The following ZMIZ1 variants were observed in gnomAD, a reference collection of about 807,000 sequenced individuals.
ZMIZ1 encodes zinc finger MIZ domain-containing protein 1.
Under a neutral mutation model 113.9 loss-of-function variants are expected in ZMIZ1, and 17 were observed. The ratio of observed to expected loss-of-function variants is 0.15; its 90% CI spans 0.10 to 0.22. ZMIZ1 has a LOEUF of 0.22. Among genes scored for constraint, ZMIZ1 ranks in the 10% least tolerant of loss-of-function variants. ZMIZ1 has a pLI of 1.00. For synonymous variants in ZMIZ1, 607 were observed against 603.1 expected (o/e 1.01, Z -0.09); for missense variants, 1,059 against 1,477.8 (o/e 0.72, Z 4.65).
In ZMIZ1 at chr10:79,314,001, G is replaced by A. The variant is rs1855370937; in HGVS notation, c.*1252G>A. ...ACATGTGCACCAGTATGTACCTGCA[G>A]GCATGGGGGGGAGGGGGGCGTGTTT... On this transcript the variant is annotated 3_prime_UTR_variant, in exon 25 of 25. Coordinates refer to ENST00000334512, the MANE Select transcript of ZMIZ1 (RefSeq NM_020338.4). The A allele has an allele frequency of 4.4e-6, 2 of 455,450 alleles. No individual in the cohort carries two copies. Among genetic ancestry groups the A allele is most frequent in the African/African-American group, 2.0e-5 (1 of 50,068 alleles). 28.2% of individuals were successfully genotyped at this position (455,450 alleles called of 1,614,324 possible).
intron 8 of ZMIZ1, among the ~76,000 whole-genome samples, chr10:79,288,533 CAT>C (rs1458408926): frequency 6.7e-6 from 1 of 149,506 alleles, no homozygotes; most frequent in Admixed American, 6.6e-5. Context: ...CGCACACACA[CAT>C]ACACACACAC....
chr10:79,141,127 A>G (rs1421880800), intron 3 of ZMIZ1, among the ~76,000 whole-genome samples: 1 of 152,144 alleles, frequency 6.6e-6, no homozygotes, highest in Non-Finnish European at 1.5e-5. Flanking sequence ...GACCATGACG[A>G]CACAGGGGAC....
chr10:79,281,293 G>T (rs966197219), intron 8 of ZMIZ1, among the ~76,000 whole-genome samples: 6 of 152,216 alleles, frequency 3.9e-5, no homozygotes, highest in African/African-American at 1.4e-4. Context: ...TTGGAATCTG[G>T]CAGAGCAGGG....
chr10:79,153,962 C>T (rs1845801933), intron 3 of ZMIZ1, among the ~76,000 whole-genome samples: 2 of 152,170 alleles, frequency 1.3e-5, no homozygotes, highest in Admixed American at 1.3e-4. Flanking sequence ...GGCACCTGGC[C>T]CAGGAAGGGG....
chr10:79,272,035 G>C (rs1313764196), intron 7 of ZMIZ1, among the ~76,000 whole-genome samples: 1 of 152,196 alleles, frequency 6.6e-6, no homozygotes, highest in Non-Finnish European at 1.5e-5. Flanking sequence ...TTGGGAGGCC[G>C]AGGTGGGTGG....
rs543073598 is a variant in ZMIZ1 at position 79,245,378 on chromosome 10, A to G, written c.280+29104A>G. ...ACCTTGATGCCAGTGGGCTCCCTGAAGGCAGGGACCACGTGTTTCTCATCA... is the reference window on the plus strand; with the variant it reads ...ACCTTGATGCCAGTGGGCTCCCTGAGGGCAGGGACCACGTGTTTCTCATCA... On this transcript the variant is annotated intron_variant, in intron 7 of 24. Transcript: ENST00000334512. Among the ~76,000 whole-genome samples the G allele has an allele frequency of 2.0e-5, 3 of 152,328 alleles. No homozygotes were observed. In the East Asian group the frequency reaches 5.8e-4, roughly 29 times the overall value.
At chr10:79,206,657 A>G (rs547312529) in intron 5 of ZMIZ1, among the ~76,000 whole-genome samples, 25 of 152,350 alleles carry the variant, frequency 1.6e-4, no homozygotes, top group African/African-American at 5.3e-4. Context: ...GAGAGCGGCC[A>G]CATGCAGCTG....
intron 4 of ZMIZ1, among the ~76,000 whole-genome samples, chr10:79,180,738 A>AG (rs1161923625): frequency 6.6e-6 from 1 of 152,202 alleles, no homozygotes; most frequent in Non-Finnish European, 1.5e-5. Context: ...GCCTCTGCTC[A>AG]GGGGGGATAA....
At chr10:79,133,903 A>G (rs1303393285) in intron 2 of ZMIZ1, among the ~76,000 whole-genome samples, 1 of 152,250 alleles carries the variant, frequency 6.6e-6, no homozygotes, top group Admixed American at 6.5e-5. Context: ...CAGCTGCCTA[A>G]TTACCATTCA....
intron 6 of ZMIZ1, among the ~76,000 whole-genome samples, chr10:79,212,152 T>A (rs946194583): frequency 2.0e-5 from 3 of 151,964 alleles, no homozygotes; most frequent in Admixed American, 6.6e-5. Flanking sequence ...TCTTCTTTTT[T>A]TTTTTAATTT....
At chr10:79,289,286 G>T (rs996972760) in intron 8 of ZMIZ1, among the ~76,000 whole-genome samples, 4 of 152,180 alleles carry the variant, frequency 2.6e-5, no homozygotes, top group African/African-American at 9.7e-5. Context: ...CAGGCAGCCA[G>T]GCTGCTGTGA....
In ZMIZ1 at chr10:79,300,631, G is replaced by A. The variant is rs191692832; in HGVS notation, c.1809-101G>A. Reference sequence around the variant, plus strand: ...GGGATGGGGTCCTGAGGATCTCGGAGGTTGTGGTGTGTTTAGAGGTGTGTG... The same window carrying A: ...GGGATGGGGTCCTGAGGATCTCGGAAGTTGTGGTGTGTTTAGAGGTGTGTG... On this transcript the variant is annotated intron_variant, in intron 16 of 24. Transcript: ENST00000334512. 1.5e-4 allele frequency: 210 copies of A among 1,387,242 alleles called. 1 individual carries two copies. In the East Asian group the frequency reaches 4.5e-3, roughly 30 times the overall value. The allele number at this position is 1,387,242 out of a possible 1,614,324, so 85.9% of individuals were successfully genotyped here.
intron 8 of ZMIZ1, among the ~76,000 whole-genome samples, chr10:79,284,847 C>T (rs781398650): frequency 1.3e-5 from 2 of 152,192 alleles, no homozygotes; most frequent in Non-Finnish European, 2.9e-5. Context: ...GTCCCTGAAT[C>T]TTTGCCAACA....
At chr10:79,098,960 T>C (rs1843263337) in intron 1 of ZMIZ1, among the ~76,000 whole-genome samples, 1 of 152,182 alleles carries the variant, frequency 6.6e-6, no homozygotes, top group African/African-American at 2.4e-5. Context: ...CATTGGCCCC[T>C]GGAGGCTGGA....
intron 4 of ZMIZ1, among the ~76,000 whole-genome samples, chr10:79,166,063 G>A (rs947713440): frequency 3.4e-5 from 5 of 145,614 alleles, no homozygotes; most frequent in African/African-American, 1.0e-4. Flanking sequence ...CCATCTCCCC[G>A]TGGCTGTCTG....
intron 7 of ZMIZ1, among the ~76,000 whole-genome samples, chr10:79,216,681 G>C (rs1848745390): frequency 6.6e-6 from 1 of 152,228 alleles, no homozygotes; most frequent in Non-Finnish European, 1.5e-5. Flanking sequence ...CACACAGCTG[G>C]AAGGCAGCAG....
intron 10 of ZMIZ1, among the ~76,000 whole-genome samples, chr10:79,291,868 G>A (rs966518055): frequency 2.0e-5 from 3 of 152,226 alleles, no homozygotes; most frequent in African/African-American, 7.2e-5. Flanking sequence ...CAATGCTGCA[G>A]GGCCTTGGGC....
chr10:79,185,236 GC>G (rs150838579), intron 4 of ZMIZ1, among the ~76,000 whole-genome samples: 6,662 of 152,066 alleles, frequency 0.044, 205 homozygotes, highest in Non-Finnish European at 0.064. Flanking sequence ...CTGTTAAGAC[GC>G]CCCCCTCCCC....
At chr10:79,303,619 A>G (rs1356082786) in intron 18 of ZMIZ1, among the ~76,000 whole-genome samples, 2 of 152,024 alleles carry the variant, frequency 1.3e-5, no homozygotes, top group Non-Finnish European at 2.9e-5. Context: ...GTCCGTTTCC[A>G]TTTCCACATG....
Sources: gnomAD v4.1 joint callset for allele counts (sites outside exome capture counted in the v4.1 genomes callset) on GRCh38, gnomAD v4.1.1 for gene constraint, MANE v1.5 for transcripts, NCBI Gene and HGNC (gene_info 2026-07-23, HGNC 2026-07-21) for gene names.